The following ATRX variants were observed in gnomAD, a reference collection of about 807,000 sequenced individuals.
ATRX encodes the protein chromatin remodeler ATRX.
A neutral mutation model predicts 172.6 loss-of-function variants in ATRX; 12 were observed. The ratio of observed to expected loss-of-function variants is 0.07; its 90% confidence interval spans 0.04 to 0.11. The LOEUF is 0.11. Ranked by LOEUF, ATRX falls within the 10% of genes least tolerant of loss-of-function variation. ATRX has a pLI of 1.00. For synonymous variants in ATRX, 674 were observed against 594.7 expected (o/e 1.13, Z -1.94); for missense variants, 1,368 against 1,767.4 (o/e 0.77, Z 4.05).
At chrX:77,584,552 G>A (rs952720531) in intron 27 of ATRX, among the ~76,000 whole-genome samples, 1 of 111,070 alleles carries the variant, frequency 9.0e-6, no homozygotes, top group Non-Finnish European at 1.9e-5. Context: ...ATATACCCTG[G>A]GGAAAAGACA....
intron 16 of ATRX, among the ~76,000 whole-genome samples, chrX:77,635,035 A>C (rs1036450358): frequency 8.9e-6 from 1 of 111,967 alleles, no homozygotes; most frequent in African/African-American, 3.2e-5. Flanking sequence ...TAATCCAAGC[A>C]CTTTGGAAGG....
At position 77,717,156 on chromosome X, in the gene ATRX, T is replaced by C. The variant is rs782048051; in HGVS notation, c.108A>G (p.Pro36=). 8.3e-7 allele frequency: 1 copy of C among 1,208,609 alleles called. No individual in the cohort carries two copies. The highest frequency in any genetic ancestry group is 1.1e-6 in the Non-Finnish European group (1 of 892,770). Residue 36 remains proline, a synonymous_variant, in exon 2 of 35, where the codon CCA becomes CCG. Coordinates refer to ENST00000373344, the MANE Select transcript of ATRX (RefSeq NM_000489.6). ...CTGTGTTTTGATTCATTGCAAGTCG[T>C]GGAGGAGAACTTGTTTCTTCAGATT... ...SEESEETSSP[P]RLAMNQNTDK...
intron 22 of ATRX, among the ~76,000 whole-genome samples, chrX:77,605,079 C>T (rs2066852848): frequency 8.9e-6 from 1 of 111,734 alleles, no homozygotes; most frequent in African/African-American, 3.3e-5. Context: ...CACTAAAAGC[C>T]CTGACTTCAC....
chrX:77,769,514 C>G (rs2076088392), intron 1 of ATRX, among the ~76,000 whole-genome samples: 1 of 110,868 alleles, frequency 9.0e-6, no homozygotes, highest in Non-Finnish European at 1.9e-5. Context: ...GTCTTGAAAT[C>G]TGACCTCATG....
intron 23 of ATRX, among the ~76,000 whole-genome samples, chrX:77,600,045 T>C (rs1057137298): frequency 1.8e-5 from 2 of 111,426 alleles, no homozygotes; most frequent in Non-Finnish European, 3.8e-5. Context: ...AGTAAAAACA[T>C]TGAAGAAATC....
chrX:77,615,961 A>G (rs1179001536), intron 22 of ATRX: 1 of 751,347 alleles, frequency 1.3e-6, no homozygotes, highest in African/African-American at 2.3e-5. Flanking sequence ...TCCAGTCCAA[A>G]GATTAGGTTT....
chrX:77,756,189 C>T (rs1398179853), intron 1 of ATRX, among the ~76,000 whole-genome samples: 4 of 111,382 alleles, frequency 3.6e-5, no homozygotes, highest in African/African-American at 1.3e-4. Context: ...TGGCAGACGC[C>T]CCTCCCCTCA....
At chrX:77,723,503 G>C (rs1031047913) in intron 1 of ATRX, among the ~76,000 whole-genome samples, 3 of 111,408 alleles carry the variant, frequency 2.7e-5, no homozygotes, top group African/African-American at 9.8e-5. Flanking sequence ...TTGGTGGAGA[G>C]GGTTGTTTTA....
chrX:77,749,371 G>A (rs1251881045), intron 1 of ATRX, among the ~76,000 whole-genome samples: 1 of 110,717 alleles, frequency 9.0e-6, no homozygotes, highest in African/African-American at 3.3e-5. Context: ...CATCACTTAG[G>A]TTGATTCCAT....
intron 2 of ATRX, among the ~76,000 whole-genome samples, chrX:77,716,109 A>ATTTTTTT (rs1557164558): frequency 4.4e-5 from 3 of 67,954 alleles, no homozygotes; most frequent in African/African-American, 1.3e-4. Context: ...TGTCTCTAAA[A>ATTTTTTT]ATTTTTTTTT....
chrX:77,552,493 A>G (rs2064588588), intron 30 of ATRX, among the ~76,000 whole-genome samples: 1 of 105,534 alleles, frequency 9.5e-6, no homozygotes, highest in Non-Finnish European at 2.0e-5. Flanking sequence ...GGATAGCATT[A>G]GGAGATATAC....
At position 77,669,696 on chromosome X, in the gene ATRX, A is replaced by AT. The variant is rs200551856; in HGVS notation, c.3810-4919dup. ...TAGAAATGCAAGAACTCAAGCTTTA[A>AT]TTTTTTTTTTAATTTTATTTTAGAG... On this transcript the variant is annotated intron_variant, in intron 10 of 34. Transcript: ENST00000373344. Among the ~76,000 whole-genome samples, 20 of 109,051 alleles carry AT rather than the reference A, an allele frequency of 1.8e-4. No homozygotes were observed. The South Asian group carries it at 3.1e-3, about 17-fold the overall frequency. The allele number at this position is 109,051 out of a possible 115,157, so 94.7% of individuals were successfully genotyped here. A position where few individuals can be genotyped will look rare whatever the true frequency, so the allele number is the denominator to read the frequency against.
At position 77,615,944 on chromosome X, in the gene ATRX, A is replaced by T. The variant is rs1397727785; in HGVS notation, c.5566+669T>A. On this transcript the variant is annotated intron_variant, in intron 22 of 34. Coordinates refer to ENST00000373344, the MANE Select transcript of ATRX (RefSeq NM_000489.6). ...AGAATAAGTGATCAACAAGTAAGAA[A>T]TCTCACTCCAGTCCAAAGATTAGGT... 2.0e-5 allele frequency: 15 copies of T among 748,518 alleles called. No individual in the cohort carries two copies. In the African/African-American group the frequency reaches 3.5e-4, roughly 17 times the overall value. The allele number at this position is 748,518 out of a possible 1,213,427, so 61.7% of individuals were successfully genotyped here.
intron 27 of ATRX, among the ~76,000 whole-genome samples, chrX:77,577,496 AT>A (rs1411319881): frequency 9.0e-6 from 1 of 111,194 alleles, no homozygotes; most frequent in African/African-American, 3.3e-5. Context: ...TCCTTTATGT[AT>A]TTTTGATATT....
At chrX:77,663,244 C>T (rs913103452) in intron 12 of ATRX, 138 bp downstream of exon 12, 16 of 632,209 alleles carry the variant, frequency 2.5e-5, no homozygotes, top group Non-Finnish European at 4.1e-5. Flanking sequence ...ATGAGGTTTC[C>T]CTATGTTGCC....
chrX:77,723,945 C>T (rs1164039341), intron 1 of ATRX, among the ~76,000 whole-genome samples: 4 of 111,383 alleles, frequency 3.6e-5, no homozygotes, highest in Non-Finnish European at 7.5e-5. Context: ...TCAGTGCAGT[C>T]CATCAACCGC....
chrX:77,556,546 T>A (rs2064817723), intron 30 of ATRX, among the ~76,000 whole-genome samples: 1 of 111,009 alleles, frequency 9.0e-6, no homozygotes, highest in Admixed American at 9.5e-5. Flanking sequence ...ATAATGTATA[T>A]GAGACAGGCC....
intron 34 of ATRX, among the ~76,000 whole-genome samples, chrX:77,510,732 G>A (rs1343928045): frequency 8.9e-6 from 1 of 112,026 alleles, no homozygotes; most frequent in African/African-American, 3.2e-5. Context: ...GGGAAGGGTA[G>A]AAAGATTTTG....
At chrX:77,523,954 G>A (rs2147767304) in intron 30 of ATRX, among the ~76,000 whole-genome samples, 1 of 111,381 alleles carries the variant, frequency 9.0e-6, no homozygotes, top group South Asian at 3.7e-4. Context: ...ACACTGTAAA[G>A]ACCCATGGGT....
Sources: gnomAD v4.1 joint callset for allele counts (sites outside exome capture counted in the v4.1 genomes callset) on GRCh38, gnomAD v4.1.1 for gene constraint, MANE v1.5 for transcripts, NCBI Gene and HGNC (gene_info 2026-07-23, HGNC 2026-07-21) for gene names.